Variants in DAPK2 observed in about 807,000 individuals in gnomAD.
DAPK2 encodes death associated protein kinase 2.
In DAPK2, 35 loss-of-function variants were observed where a neutral mutation model predicts 44.1. That is an observed-to-expected ratio of 0.79 (90% CI 0.61 to 1.05). The LOEUF (loss-of-function observed/expected upper bound fraction) is 1.05. Among genes scored for constraint, DAPK2 ranks in the 50% least tolerant of loss-of-function variants. The pLI is 0.00. For missense variants in DAPK2, 453 were observed against 483.2 expected, an observed-to-expected ratio of 0.94 and a Z score of 0.59; for synonymous variants, 174 against 182.6, an observed-to-expected ratio of 0.95 and a Z score of 0.38.
chr15:63,967,268 C>CT (rs892717452), intron 3 of DAPK2, among the ~76,000 whole-genome samples: 19 of 152,258 alleles, frequency 1.2e-4, no homozygotes, highest in African/African-American at 4.6e-4. Flanking sequence ...TACAAAGGTG[C>CT]TTTTTTTGTG....
At chr15:64,024,344 G>C (rs1434049613) in intron 1 of DAPK2, among the ~76,000 whole-genome samples, 1 of 152,224 alleles carries the variant, frequency 6.6e-6, no homozygotes, top group African/African-American at 2.4e-5. Context: ...AGGGCATGGA[G>C]GAAGATGTGA....
At chr15:64,007,676 G>C (rs556375425) in intron 1 of DAPK2, among the ~76,000 whole-genome samples, 1 of 152,324 alleles carries the variant, frequency 6.6e-6, no homozygotes, top group South Asian at 2.1e-4. Flanking sequence ...AAGGGACTGA[G>C]AGTCCGACTT....
At chr15:63,940,520 G>A (rs748511945) in intron 3 of DAPK2, among the ~76,000 whole-genome samples, 10 of 152,078 alleles carry the variant, frequency 6.6e-5, no homozygotes, top group Non-Finnish European at 1.3e-4. Context: ...AGACCAGCCC[G>A]GCCAACATGG....
chr15:63,939,391 A>C lies in DAPK2; in HGVS notation c.454-30T>G. ...ACAACAAAAAGTAGAAAAAAAAAAA[A>C]GGAAGGAAGAAAAGAAAAAAAAAGA... is the stretch of plus-strand genomic sequence containing the variant. On this transcript the variant is annotated intron_variant, in intron 3 of 10. Transcript: ENST00000261891. The surrounding 1 kb of genome is among the most constrained non-coding windows in gnomAD (Gnocchi z 4.3). 1.3e-6 allele frequency: 2 copies of C among 1,549,146 alleles called. No individual in the cohort carries two copies. Among genetic ancestry groups the C allele is most frequent in the Non-Finnish European group, 1.7e-6 (2 of 1,150,286 alleles).
intron 3 of DAPK2, among the ~76,000 whole-genome samples, chr15:63,962,493 T>C (rs921113433): frequency 6.6e-6 from 1 of 152,204 alleles, no homozygotes; most frequent in African/African-American, 2.4e-5. Flanking sequence ...TATGTACCTT[T>C]GGTCTTTGAT....
At chr15:63,983,448 C>T in intron 2 of DAPK2, 85 bp downstream of exon 3, 2 of 1,312,362 alleles carry the variant, frequency 1.5e-6, no homozygotes, top group Middle Eastern at 2.1e-4. Context: ...TTGCTGCTGC[C>T]CCCTGGGGCC....
At chr15:63,942,122 G>A in intron 3 of DAPK2, 1 of 760,844 alleles carries the variant, frequency 1.3e-6, no homozygotes, top group Non-Finnish European at 1.6e-6. Context: ...TGATCCCCAG[G>A]ACTATGGAGC....
rs1039711190 is a variant in DAPK2 at position 63,965,114 on chromosome 15, G to A, written c.453+6309C>T. Among the ~76,000 whole-genome samples the A allele has an allele frequency of 3.7e-4, 56 of 152,162 alleles. 1 individual carries two copies. The highest frequency in any genetic ancestry group is 1.2e-3 in the African/African-American group (50 of 41,442). Reference sequence around the variant, plus strand: ...GGGAAGGCTTTCCAGATATTTGAAAGGACTTGAGTGTTGTAATCTAAGTTT... The same window carrying A: ...GGGAAGGCTTTCCAGATATTTGAAAAGACTTGAGTGTTGTAATCTAAGTTT... On this transcript the variant is annotated intron_variant, in intron 3 of 10. Coordinates refer to ENST00000261891, the Ensembl canonical transcript of DAPK2.
At chr15:64,043,887 C>T (rs536828244), upstream of DAPK2, among the ~76,000 whole-genome samples, 1 of 152,188 alleles carries the variant, frequency 6.6e-6, no homozygotes, top group East Asian at 1.9e-4. Context: ...ACACAGTAGG[C>T]ACTATATAAG....
intron 1 of DAPK2, among the ~76,000 whole-genome samples, chr15:64,033,325 G>GAAGGAAGGAA (rs1438177286): frequency 2.9e-5 from 4 of 137,184 alleles, no homozygotes; most frequent in Non-Finnish European, 6.3e-5. Flanking sequence ...AGGAAGGAAG[G>GAAGGAAGGAA]AAAAAAAAAA....
At chr15:63,955,573 TGTC>T (rs1156958641) in intron 3 of DAPK2, among the ~76,000 whole-genome samples, 1 of 152,166 alleles carries the variant, frequency 6.6e-6, no homozygotes, top group Non-Finnish European at 1.5e-5. Context: ...TTGTTGTTGT[TGTC>T]GTCATTGTTT....
At chr15:63,998,402 AT>A (rs1261664904) in intron 1 of DAPK2, among the ~76,000 whole-genome samples, 1 of 152,146 alleles carries the variant, frequency 6.6e-6, no homozygotes, top group Non-Finnish European at 1.5e-5. Context: ...TTGTGTCTCA[AT>A]ATATTAGGGC....
At chr15:63,996,554 T>C (rs1202426515) in intron 1 of DAPK2, among the ~76,000 whole-genome samples, 1 of 152,244 alleles carries the variant, frequency 6.6e-6, no homozygotes, top group Non-Finnish European at 1.5e-5. Flanking sequence ...CTTCCACTTT[T>C]ATGTTTGCTT....
At chr15:64,036,335 A>ATG (rs1555484580) in intron 1 of DAPK2, among the ~76,000 whole-genome samples, 1 of 69,808 alleles carries the variant, frequency 1.4e-5, no homozygotes, top group Non-Finnish European at 4.2e-5. Context: ...ATATATATAT[A>ATG]TACATATATA....
chr15:63,978,394 G>C (rs1370521972), intron 2 of DAPK2, among the ~76,000 whole-genome samples: 1 of 152,204 alleles, frequency 6.6e-6, no homozygotes, highest in African/African-American at 2.4e-5. Flanking sequence ...TCTTAGCTTA[G>C]CATTCCCAAA....
At chr15:64,038,660 G>T (rs1279494604) in intron 1 of DAPK2, among the ~76,000 whole-genome samples, 1 of 151,686 alleles carries the variant, frequency 6.6e-6, no homozygotes, top group Admixed American at 6.6e-5. Flanking sequence ...TTCTGGCTTT[G>T]AAGCTCTGTT....
Position 64,046,182 on chromosome 15 carries a change from A to T in DAPK2, c.-7+116T>A. On this transcript the variant is annotated intron_variant, in intron 1 of 11. Coordinates refer to the DAPK2 transcript ENST00000457488. This position sits in a 1 kb window ranked among gnomAD's most constrained non-coding sequence, Gnocchi z 5.3. Reference sequence around the variant, plus strand: ...CAGGCATTGGGGCGGCGGGCCCGGGATCTGCGAGCGAGTGCCCCGGATCTC... The same window carrying T: ...CAGGCATTGGGGCGGCGGGCCCGGGTTCTGCGAGCGAGTGCCCCGGATCTC... The T allele has an allele frequency of 3.2e-6, 1 of 315,008 alleles. No individual in the cohort carries two copies. The highest frequency in any genetic ancestry group is 4.6e-6 in the Non-Finnish European group (1 of 216,696). The allele number at this position is 315,008 out of a possible 1,614,324, so 19.5% of individuals were successfully genotyped here.
rs202010787 is a variant in DAPK2, at chr15:63,930,370, G to A, written c.632+37C>T. Reference sequence around the variant, plus strand: ...GATCTGAGGCCTTCCGCCCTTGGAAGGATCGCTAGGTCACCTGAGTGGCCT... The same window carrying A: ...GATCTGAGGCCTTCCGCCCTTGGAAAGATCGCTAGGTCACCTGAGTGGCCT... On this transcript the variant is annotated intron_variant, in intron 5 of 10. Coordinates refer to ENST00000261891, the Ensembl canonical transcript of DAPK2. The A allele has an allele frequency of 7.3e-4, 1,177 of 1,609,184 alleles. 6 individuals are homozygous for A. Among genetic ancestry groups the A allele is most frequent in the Admixed American group, 2.7e-3 (160 of 60,020 alleles).
In DAPK2 at chr15:63,923,411, G is replaced by T; in HGVS notation, c.858+1405C>A. 2.7e-6 allele frequency: 4 copies of T among 1,491,378 alleles called. No individual in the cohort carries two copies. Among genetic ancestry groups the T allele is most frequent in the Non-Finnish European group, 3.6e-6 (4 of 1,123,680 alleles). 92.4% of individuals were successfully genotyped at this position (1,491,378 alleles called of 1,614,324 possible). On this transcript the variant is annotated intron_variant, in intron 8 of 10. Transcript: ENST00000261891. This position sits in a 1 kb window ranked among gnomAD's most constrained non-coding sequence, Gnocchi z 4.2. ...GCCCACCCCAGAGGGCAGTCCAAAG[G>T]GTAGGCAGAAGGCACACAAGCGGCC...
Sources: gnomAD v4.1 joint callset for allele counts (sites outside exome capture counted in the v4.1 genomes callset) on GRCh38, gnomAD v4.1.1 for gene constraint, Gnocchi (gnomAD v3.1) non-coding constraint, MANE v1.5 for transcripts, NCBI Gene and HGNC (gene_info 2026-07-23, HGNC 2026-07-21) for gene names.